The following SSUH2 variants were observed in gnomAD, a reference collection of about 807,000 sequenced individuals.
SSUH2 encodes the protein protein SSUH2 homolog.
In SSUH2, 47 loss-of-function variants were observed where a neutral mutation model predicts 55.3. That is an observed-to-expected ratio of 0.85 (90% CI 0.67 to 1.08). The LOEUF is 1.08. Among genes scored for constraint, SSUH2 ranks in the 50% least tolerant of loss-of-function variants. SSUH2 has a pLI of 0.00. For synonymous variants in SSUH2, 212 were observed against 191.5 expected (o/e 1.11, Z -0.89); for missense variants, 535 against 490.7 (o/e 1.09, Z -0.85).
intron 4 of SSUH2, 112 bp downstream of exon 4, chr3:8,633,554 C>T (rs970870701): frequency 5.0e-6 from 4 of 807,936 alleles, no homozygotes; most frequent in South Asian, 2.3e-5. Context: ...AAACACACTG[C>T]CCCCAGGACT....
intron 1 of SSUH2, among the ~76,000 whole-genome samples, chr3:8,681,025 T>TGA (rs1705898388): frequency 1.5e-5 from 2 of 137,838 alleles, no homozygotes; most frequent in East Asian, 2.1e-4. Flanking sequence ...AACCTCCAAG[T>TGA]GGCGGGGACT....
At chr3:8,680,459 C>T (rs935525176) in intron 1 of SSUH2, among the ~76,000 whole-genome samples, 1 of 152,028 alleles carries the variant, frequency 6.6e-6, no homozygotes, top group African/African-American at 2.4e-5. Context: ...ATACACCTGT[C>T]TGTACTGGGA....
intron 2 of SSUH2, among the ~76,000 whole-genome samples, chr3:8,679,376 AT>A (rs1464839546): frequency 2.2e-5 from 2 of 89,296 alleles, no homozygotes; most frequent in African/African-American, 3.7e-5. Flanking sequence ...GGCGGGAGGC[AT>A]CCCCCAGGAG....
Position 8,633,720 on chromosome 3 carries a change from G to GC in SSUH2, c.284dup (p.Ser95ArgfsTer26), listed in dbSNP as rs959160967. ...GGATGACGAGGTCTCCAGCCACCGT[G>GC]CTGCTGTAGCAGCACTTAGAGTCCA... On this transcript the variant is annotated frameshift_variant, in exon 4 of 12. Transcript: ENST00000544814. LOFTEE classifies it high-confidence loss of function. The GC allele has an allele frequency of 6.4e-7, 1 of 1,567,468 alleles. No homozygotes were observed. Among genetic ancestry groups the GC allele is most frequent in the African/African-American group, 1.4e-5 (1 of 73,222 alleles).
Position 8,629,051 on chromosome 3 carries a change from G to C in SSUH2, c.588+613C>G, listed in dbSNP as rs554690895. 2.9e-3 allele frequency among the ~76,000 whole-genome samples: 434 copies of C among 152,196 alleles called. 2 individuals carry two copies. The highest frequency in any genetic ancestry group is 9.8e-3 in the African/African-American group (406 of 41,512). ...TTTGTATTTTTTTTTAGTAGAGACG[G>C]GGTTTCACCGTGTTAGCCCAGATGG... On this transcript the variant is annotated intron_variant, in intron 7 of 11. Transcript: ENST00000544814.
At chr3:8,629,351 C>A in intron 7 of SSUH2, 1 of 355,608 alleles carries the variant, frequency 2.8e-6, no homozygotes, top group Non-Finnish European at 5.1e-6. Context: ...GTAAGAAGAA[C>A]CCCAGGTCTT....
chr3:8,627,839 G>A (rs951926551), intron 7 of SSUH2, 56 bp from the exon 8 acceptor site: 26 of 1,509,714 alleles, frequency 1.7e-5, no homozygotes, highest in African/African-American at 9.7e-5. Context: ...CAGGGCCAAC[G>A]GCATCCCAAG....
intron 2 of SSUH2, among the ~76,000 whole-genome samples, chr3:8,677,814 C>A (rs1705532856): frequency 6.6e-6 from 1 of 150,624 alleles, no homozygotes; most frequent in Non-Finnish European, 1.5e-5. Context: ...GACTGAGAGC[C>A]AGCCCCACAC....
intron 1 of SSUH2, among the ~76,000 whole-genome samples, chr3:8,680,964 TCC>T (rs984691066): frequency 2.6e-5 from 4 of 151,834 alleles, no homozygotes; most frequent in South Asian, 4.2e-4. Flanking sequence ...TATCATCCTC[TCC>T]CCCTCTTCCC....
chr3:8,673,383 T>C (rs576110331), intron 3 of SSUH2, among the ~76,000 whole-genome samples: 1 of 152,136 alleles, frequency 6.6e-6, no homozygotes, highest in South Asian at 2.1e-4. Context: ...TCGTTTACGA[T>C]GCAAAACGGG....
At position 8,623,651 on chromosome 3, in the gene SSUH2, G is replaced by C; in HGVS notation, c.879C>G (p.Tyr293Ter). 4.6e-6 allele frequency: 7 copies of C among 1,508,670 alleles called. No individual in the cohort carries two copies. The highest frequency in any genetic ancestry group is 6.3e-6 in the Non-Finnish European group (7 of 1,113,174). The allele number at this position is 1,508,670 out of a possible 1,614,324, so 93.5% of individuals were successfully genotyped here. Residue 293 changes from tyrosine to a stop codon, truncating the protein, a stop_gained, in exon 11 of 12, where the codon TAC becomes TAG. Transcript: ENST00000544814. LOFTEE classifies it high-confidence loss of function. ...NLFKDENSVV[Y>*]PIVDFPLRDI... ...CTCGCAGAGGGAAGTCCACGATGGG[G>C]TACACCTGGGGGAAAGAGAGAGAGA...
intron 11 of SSUH2, 47 bp from the exon 12 acceptor site, chr3:8,620,061 C>A: frequency 6.2e-7 from 1 of 1,602,276 alleles, no homozygotes; most frequent in South Asian, 1.1e-5. Flanking sequence ...CTGTTCAAGT[C>A]ACTCACCTGC....
At chr3:8,659,866 A>C (rs550015396) in intron 6 of SSUH2, 2 of 450,652 alleles carry the variant, frequency 4.4e-6, no homozygotes, top group Admixed American at 2.4e-5. Context: ...AATGCTATGG[A>C]AAGTGGCATG....
At chr3:8,679,283 AGGGGGGGAGC>A (rs1705766961) in intron 2 of SSUH2, among the ~76,000 whole-genome samples, 1 of 70,264 alleles carries the variant, frequency 1.4e-5, no homozygotes, top group Admixed American at 1.6e-4. Context: ...CCCCCATCGG[AGGGGGGGAGC>A]CACCCCCCAT....
intron 3 of SSUH2, among the ~76,000 whole-genome samples, chr3:8,675,680 T>C (rs1705166799): frequency 6.6e-6 from 1 of 152,142 alleles, no homozygotes; most frequent in Non-Finnish European, 1.5e-5. Context: ...TGGGGTTTTG[T>C]AGACTGTGGA....
Position 8,633,850 on chromosome 3 carries a change from C to T in SSUH2, c.210-55G>A, listed in dbSNP as rs376396142. Reference sequence around the variant, plus strand: ...CTTCTGGGAAGGGCCTGTGGACTCACGCGGGCCAGCCAGCCTCCTCAACGT... The same window carrying T: ...CTTCTGGGAAGGGCCTGTGGACTCATGCGGGCCAGCCAGCCTCCTCAACGT... On this transcript the variant is annotated intron_variant, in intron 3 of 11. Transcript: ENST00000544814. 13 of 1,613,140 alleles carry T rather than the reference C, an allele frequency of 8.1e-6. No individual in the cohort carries two copies. Among genetic ancestry groups the T allele is most frequent in the South Asian group, 1.1e-5 (1 of 91,066 alleles).
chr3:8,636,208 A>C (rs1699899888), intron 1 of SSUH2, among the ~76,000 whole-genome samples: 1 of 152,212 alleles, frequency 6.6e-6, no homozygotes, highest in African/African-American at 2.4e-5. Context: ...TGACTGCCTC[A>C]ACCAAGAGAA....
intron 5 of SSUH2, among the ~76,000 whole-genome samples, chr3:8,669,650 G>T (rs922939263): frequency 6.6e-6 from 1 of 152,202 alleles, no homozygotes; most frequent in Non-Finnish European, 1.5e-5. Context: ...AGCAACAGAT[G>T]TGCCAATAGC....
chr3:8,634,019 T>C (rs1699437971), intron 3 of SSUH2: 2 of 1,463,066 alleles, frequency 1.4e-6, no homozygotes, highest in African/African-American at 1.4e-5. Flanking sequence ...AAAAACACTT[T>C]AGTTGAAATG....
Sources: allele counts gnomAD v4.1 joint callset (sites outside exome capture counted in the v4.1 genomes callset), GRCh38; gene constraint gnomAD v4.1.1; transcripts MANE v1.5; gene names NCBI Gene and HGNC (gene_info 2026-07-23, HGNC 2026-07-21).